THSD7B: variants seen among roughly 807,000 people sequenced by gnomAD.
THSD7B encodes the protein thrombospondin type 1 domain containing 7B.
THSD7B carries 138 observed loss-of-function variants against 213.6 expected under a neutral mutation model. That is an observed-to-expected ratio of 0.65 (90% CI 0.56 to 0.74). The LOEUF is 0.74. THSD7B is among the 30% of genes least tolerant of loss of function. The pLI is 0.00. For synonymous variants in THSD7B, 742 were observed against 687.0 expected (o/e 1.08, Z -1.25); for missense variants, 1,931 against 1,991.5 (o/e 0.97, Z 0.58).
At chr2:137,162,173 G>A (rs1680032169) in intron 6 of THSD7B, among the ~76,000 whole-genome samples, 1 of 152,182 alleles carries the variant, frequency 6.6e-6, no homozygotes, top group African/African-American at 2.4e-5. Context: ...GCATCCAAGA[G>A]TATAAACAGG....
At chr2:136,775,064 A>G (rs1257218732) in intron 1 of THSD7B, among the ~76,000 whole-genome samples, 2 of 152,122 alleles carry the variant, frequency 1.3e-5, no homozygotes, top group African/African-American at 4.8e-5. Flanking sequence ...TGGAGATATG[A>G]CATGCACATT....
chr2:137,557,377 G>C (rs535904950), intron 15 of THSD7B, among the ~76,000 whole-genome samples: 2 of 152,120 alleles, frequency 1.3e-5, no homozygotes, highest in Non-Finnish European at 2.9e-5. Context: ...TAGAACTCAG[G>C]ATTAAGAAAC....
At chr2:136,860,090 G>C (rs758321208) in intron 1 of THSD7B, among the ~76,000 whole-genome samples, 1 of 146,912 alleles carries the variant, frequency 6.8e-6, no homozygotes, top group Non-Finnish European at 1.5e-5. Flanking sequence ...TGATCTCGGC[G>C]CACTACAAGC....
chr2:137,205,520 T>C (rs1320812501), intron 7 of THSD7B, among the ~76,000 whole-genome samples: 1 of 152,134 alleles, frequency 6.6e-6, no homozygotes, highest in African/African-American at 2.4e-5. Context: ...TTGTTCCTTT[T>C]TTGTTTTTGG....
intron 2 of THSD7B, among the ~76,000 whole-genome samples, chr2:136,940,759 T>A (rs1360387409): frequency 6.8e-6 from 1 of 146,780 alleles, no homozygotes; most frequent in African/African-American, 2.5e-5. Flanking sequence ...CTTATTCCCA[T>A]TCTTAGGAGG....
In THSD7B at chr2:137,475,384, G is replaced by C. The variant is rs1005541793; in HGVS notation, c.3138+24361G>C. On this transcript the variant is annotated intron_variant, in intron 15 of 27. Transcript: ENST00000409968. Reference sequence around the variant, plus strand: ...CTTTTTTTGAACTATACAATATGTTGTTAACTATAGTCATTCTACTCTCTT... The same window carrying C: ...CTTTTTTTGAACTATACAATATGTTCTTAACTATAGTCATTCTACTCTCTT... Among the ~76,000 whole-genome samples, 46 of 151,960 alleles carry C rather than the reference G, an allele frequency of 3.0e-4. 2 individuals are homozygous for C. Among genetic ancestry groups the C allele is most frequent in the Non-Finnish European group, 1.5e-5 (1 of 67,962 alleles).
At chr2:137,316,730 C>A (rs1684115590) in intron 12 of THSD7B, among the ~76,000 whole-genome samples, 1 of 145,240 alleles carries the variant, frequency 6.9e-6, no homozygotes, top group Non-Finnish European at 1.5e-5. Context: ...TGCACTCCAG[C>A]CTGGGCGACA....
At chr2:137,493,218 C>A (rs532590843) in intron 15 of THSD7B, among the ~76,000 whole-genome samples, 1 of 151,140 alleles carries the variant, frequency 6.6e-6, no homozygotes, top group Non-Finnish European at 1.5e-5. Flanking sequence ...GTATGTTCTC[C>A]ATAGTATTCC....
At chr2:137,205,907 A>G (rs1344470785) in intron 7 of THSD7B, among the ~76,000 whole-genome samples, 1 of 25,714 alleles carries the variant, frequency 3.9e-5, no homozygotes, top group African/African-American at 2.4e-4. Flanking sequence ...GAATAATGTC[A>G]GTGGTAGATT....
At chr2:137,644,686 G>T (rs1202786135) in intron 21 of THSD7B, among the ~76,000 whole-genome samples, 1 of 152,076 alleles carries the variant, frequency 6.6e-6, no homozygotes. Flanking sequence ...CAAAATGCAC[G>T]TGGGCCTTTT....
intron 17 of THSD7B, among the ~76,000 whole-genome samples, chr2:137,585,508 A>G (rs536493770): frequency 2.6e-5 from 4 of 151,922 alleles, no homozygotes; most frequent in Admixed American, 1.3e-4. Flanking sequence ...ACACTGCTTT[A>G]AATGTGTCCC....
chr2:136,962,038 G>A (rs1462678294), intron 2 of THSD7B, among the ~76,000 whole-genome samples: 1 of 152,164 alleles, frequency 6.6e-6, no homozygotes, highest in Non-Finnish European at 1.5e-5. Context: ...TTTTCTGGAT[G>A]GACCCAGTGT....
At chr2:136,835,876 T>C (rs1428198228) in intron 1 of THSD7B, among the ~76,000 whole-genome samples, 1 of 152,184 alleles carries the variant, frequency 6.6e-6, no homozygotes, top group African/African-American at 2.4e-5. Flanking sequence ...GGGGTTTGAG[T>C]TGCATAAAGA....
chr2:136,827,064 C>T (rs1573656675), intron 1 of THSD7B, among the ~76,000 whole-genome samples: 1 of 152,290 alleles, frequency 6.6e-6, no homozygotes, highest in East Asian at 1.9e-4. Flanking sequence ...CACAGATTAA[C>T]ATAGTTACTA....
At chr2:136,923,728 T>G (rs1323453069) in intron 2 of THSD7B, among the ~76,000 whole-genome samples, 1 of 152,214 alleles carries the variant, frequency 6.6e-6, no homozygotes, top group Non-Finnish European at 1.5e-5. Context: ...TGTTTTCCTG[T>G]GTTTGTTGGC....
chr2:137,222,854 A>G (rs975841044), intron 7 of THSD7B, among the ~76,000 whole-genome samples: 1 of 152,216 alleles, frequency 6.6e-6, no homozygotes, highest in Non-Finnish European at 1.5e-5. Context: ...TGGATCCCAC[A>G]TTGCTGGCTT....
At chr2:137,479,873 G>A (rs574369606) in intron 15 of THSD7B, among the ~76,000 whole-genome samples, 1 of 152,260 alleles carries the variant, frequency 6.6e-6, no homozygotes, top group East Asian at 1.9e-4. Context: ...CTCAGCATGA[G>A]CTCTCTCTGT....
intron 5 of THSD7B, among the ~76,000 whole-genome samples, chr2:137,136,632 A>G (rs986700): frequency 0.83 from 127,031 of 152,162 alleles, 53,433 homozygotes; most frequent in African/African-American, 0.88. Flanking sequence ...GTATGTGTGT[A>G]ACCTCTAGTC....
intron 15 of THSD7B, among the ~76,000 whole-genome samples, chr2:137,513,312 T>G (rs1680005311): frequency 6.6e-6 from 1 of 152,200 alleles, no homozygotes; most frequent in Non-Finnish European, 1.5e-5. Flanking sequence ...TGAAAGGGCA[T>G]AATAAAGTGA....
Sources: gnomAD v4.1 joint callset for allele counts (sites outside exome capture counted in the v4.1 genomes callset) on GRCh38, gnomAD v4.1.1 for gene constraint, MANE v1.5 for transcripts, NCBI Gene and HGNC (gene_info 2026-07-23, HGNC 2026-07-21) for gene names.